The following UXS1 variants were observed in gnomAD, a reference collection of about 807,000 sequenced individuals.
The protein encoded by UXS1 is UDP-glucuronate decarboxylase 1.
A neutral mutation model predicts 62.6 loss-of-function variants in UXS1; 33 were observed. The observed-to-expected ratio is 0.53, with a 90% CI of 0.40 to 0.70. The LOEUF is 0.70. UXS1 is among the 30% of genes least tolerant of loss of function. The pLI is 0.00. For missense variants in UXS1, 434 were observed against 556.3 expected, an observed-to-expected ratio of 0.78 and a Z score of 2.21; for synonymous variants, 213 against 206.8, an observed-to-expected ratio of 1.03 and a Z score of -0.26.
intron 6 of UXS1, chr2:106,138,452 C>G: frequency 1.0e-6 from 1 of 985,482 alleles, no homozygotes; most frequent in Non-Finnish European, 1.2e-6. Flanking sequence ...CCTCGGTCAC[C>G]CACAAATGCA....
chr2:106,165,610 C>G (rs1447404002), intron 2 of UXS1, among the ~76,000 whole-genome samples: 1 of 152,110 alleles, frequency 6.6e-6, no homozygotes, highest in East Asian at 1.9e-4. Context: ...ACGATGCATA[C>G]AGGCCTAACG....
At chr2:106,168,434 T>G (rs1010796747) in intron 1 of UXS1, among the ~76,000 whole-genome samples, 6 of 152,190 alleles carry the variant, frequency 3.9e-5, no homozygotes, top group African/African-American at 1.4e-4. Context: ...TCAGCAGCCC[T>G]CAGAACTGAC....
At chr2:106,128,898 G>A (rs1031475004) in intron 7 of UXS1, among the ~76,000 whole-genome samples, 1 of 152,146 alleles carries the variant, frequency 6.6e-6, no homozygotes, top group Non-Finnish European at 1.5e-5. Flanking sequence ...TGCAGAACCT[G>A]TATTAAATGT....
chr2:106,168,765 T>C (rs917984137), intron 1 of UXS1, among the ~76,000 whole-genome samples: 1 of 152,196 alleles, frequency 6.6e-6, no homozygotes, highest in Non-Finnish European at 1.5e-5. Context: ...ATACAGCCAT[T>C]TGATGAAATC....
intron 14 of UXS1, 100 bp downstream of exon 14, chr2:106,096,618 C>T: frequency 1.8e-6 from 2 of 1,103,610 alleles, no homozygotes; most frequent in South Asian, 1.8e-5. Flanking sequence ...CCACCTTGCT[C>T]CTCCGGGGGC....
At chr2:106,175,131 T>C (rs560195049) in intron 1 of UXS1, among the ~76,000 whole-genome samples, 26 of 152,290 alleles carry the variant, frequency 1.7e-4, no homozygotes, top group African/African-American at 6.3e-4. Context: ...GAATAGCGAT[T>C]TCCAACCTTC....
intron 1 of UXS1, among the ~76,000 whole-genome samples, chr2:106,181,915 T>C (rs546495177): frequency 6.6e-6 from 1 of 152,270 alleles, no homozygotes; most frequent in African/African-American, 2.4e-5. Context: ...AAGAAGAAGA[T>C]GGGAACAAAG....
intron 1 of UXS1, among the ~76,000 whole-genome samples, chr2:106,187,552 A>G (rs1199589930): frequency 6.6e-6 from 1 of 152,104 alleles, no homozygotes; most frequent in Non-Finnish European, 1.5e-5. Context: ...GAAGTCTATT[A>G]CCATAAACAC....
intron 5 of UXS1, among the ~76,000 whole-genome samples, chr2:106,147,743 C>T (rs1215093750): frequency 1.3e-5 from 2 of 152,178 alleles, no homozygotes; most frequent in African/African-American, 4.8e-5. Flanking sequence ...TAAAACTAAA[C>T]TAATCCGCCT....
chr2:106,112,523 C>G, intron 10 of UXS1, 123 bp downstream of exon 10: 1 of 1,427,034 alleles, frequency 7.0e-7, no homozygotes, highest in South Asian at 1.4e-5. Context: ...TGGAGGGTAG[C>G]GGGTATACAT....
chr2:106,127,194 G>A (rs1157692290), intron 7 of UXS1, among the ~76,000 whole-genome samples: 2 of 152,118 alleles, frequency 1.3e-5, no homozygotes, highest in Non-Finnish European at 2.9e-5. Context: ...AAGTAAAGCT[G>A]CTATGAACAT....
At chr2:106,187,805 G>C (rs1042383380) in intron 1 of UXS1, among the ~76,000 whole-genome samples, 5 of 149,918 alleles carry the variant, frequency 3.3e-5, no homozygotes, top group South Asian at 2.1e-4. Flanking sequence ...GCAATGGCAC[G>C]ATCTTGGCCC....
intron 9 of UXS1, among the ~76,000 whole-genome samples, chr2:106,118,038 G>C (rs900479051): frequency 4.6e-5 from 7 of 152,204 alleles, no homozygotes; most frequent in African/African-American, 1.7e-4. Flanking sequence ...CTCTGCAGCA[G>C]GCCAGGAGGG....
At chr2:106,145,496 G>T in intron 5 of UXS1, 126 bp from the exon 6 acceptor site, 1 of 1,213,790 alleles carries the variant, frequency 8.2e-7, no homozygotes, top group Non-Finnish European at 1.1e-6. Flanking sequence ...AGGCGGGGAA[G>T]GAAGACAGCA....
intron 1 of UXS1, among the ~76,000 whole-genome samples, chr2:106,169,083 G>A (rs896324917): frequency 1.3e-5 from 2 of 152,160 alleles, no homozygotes; most frequent in Non-Finnish European, 2.9e-5. Flanking sequence ...CTAGACACCT[G>A]GTGAACACCT....
intron 9 of UXS1, 100 bp from the exon 10 acceptor site, chr2:106,112,865 T>C: frequency 6.8e-7 from 1 of 1,471,454 alleles, no homozygotes; most frequent in Non-Finnish European, 9.0e-7. Flanking sequence ...AATGGAAACG[T>C]TCTGCTTTCC....
chr2:106,105,436 T>C (rs1677976366), intron 10 of UXS1, among the ~76,000 whole-genome samples: 1 of 152,168 alleles, frequency 6.6e-6, no homozygotes, highest in Non-Finnish European at 1.5e-5. Flanking sequence ...ACTGCACATT[T>C]GCTCCACACT....
intron 2 of UXS1, among the ~76,000 whole-genome samples, chr2:106,165,769 A>G (rs945441868): frequency 4.6e-5 from 7 of 152,084 alleles, no homozygotes; most frequent in Admixed American, 1.3e-4. Context: ...CAGAAATACA[A>G]TTTACATAAG....
At chr2:106,106,645 T>C (rs183408101) in intron 10 of UXS1, among the ~76,000 whole-genome samples, 319 of 152,274 alleles carry the variant, frequency 2.1e-3, no homozygotes, top group African/African-American at 7.1e-3. Flanking sequence ...CATGGGCCTC[T>C]TGGAAGCAGA....
Sources: gnomAD v4.1 joint callset for allele counts (sites outside exome capture counted in the v4.1 genomes callset) on GRCh38, gnomAD v4.1.1 for gene constraint, MANE v1.5 for transcripts, NCBI Gene and HGNC (gene_info 2026-07-23, HGNC 2026-07-21) for gene names.